The following PDE10A variants were observed in gnomAD, a reference collection of about 807,000 sequenced individuals.
PDE10A encodes phosphodiesterase 10A.
In PDE10A, 39 loss-of-function variants were observed where a neutral mutation model predicts 97.7. The ratio of observed to expected loss-of-function variants is 0.40; its 90% CI spans 0.31 to 0.52. The LOEUF is 0.52. Among genes scored for constraint, PDE10A ranks in the 20% least tolerant of loss-of-function variants. The pLI is 0.56. For missense variants in PDE10A, 731 were observed against 1,047.8 expected, an observed-to-expected ratio of 0.70 and a Z score of 4.17; for synonymous variants, 371 against 376.8, an observed-to-expected ratio of 0.98 and a Z score of 0.18.
At chr6:165,734,084 G>T (rs577629679) in intron 1 of PDE10A, among the ~76,000 whole-genome samples, 1 of 152,308 alleles carries the variant, frequency 6.6e-6, no homozygotes, top group Admixed American at 6.5e-5. Flanking sequence ...CAGGAAAAAT[G>T]AACGTAGAAG....
At chr6:165,647,541 T>C (rs552370282) in intron 1 of PDE10A, among the ~76,000 whole-genome samples, 1 of 152,112 alleles carries the variant, frequency 6.6e-6, no homozygotes, top group African/African-American at 2.4e-5. Context: ...TTTTTTTTTT[T>C]AGTTCTTTTT....
Position 165,682,009 on chromosome 6 carries a change from G to A in PDE10A, c.-614-138441C>T, listed in dbSNP as rs73788716. ...GTTGACTATATTTCATATAGCTATC[G>A]TGAACGCCCTCTAAGTCGTCCTTGT... is the stretch of plus-strand genomic sequence containing the variant. On this transcript the variant is annotated intron_variant, in intron 1 of 19. Coordinates refer to the PDE10A transcript ENST00000366882. Among the ~76,000 whole-genome samples the A allele has an allele frequency of 5.3e-3, 813 of 152,314 alleles. 7 individuals carry two copies. Among genetic ancestry groups the A allele is most frequent in the African/African-American group, 0.018 (758 of 41,574 alleles).
chr6:165,734,967 T>C (rs773766257), intron 1 of PDE10A, among the ~76,000 whole-genome samples: 9 of 151,410 alleles, frequency 5.9e-5, no homozygotes, highest in Non-Finnish European at 1.2e-4. Context: ...GATAGATAGA[T>C]AGATAGATAG....
intron 3 of PDE10A, among the ~76,000 whole-genome samples, chr6:165,465,248 T>A (rs1778567985): frequency 6.6e-6 from 1 of 152,160 alleles, no homozygotes; most frequent in Admixed American, 6.5e-5. Flanking sequence ...ATGAAGGAAA[T>A]CTGCGAGCTA....
chr6:165,698,925 TAGA>T, intron 1 of PDE10A, among the ~76,000 whole-genome samples: 1 of 152,150 alleles, frequency 6.6e-6, no homozygotes, highest in East Asian at 1.9e-4. Context: ...AAAGGAGAAG[TAGA>T]AGGATAAAAG....
chr6:165,614,605 C>G (rs1030673470), intron 1 of PDE10A, among the ~76,000 whole-genome samples: 4 of 152,306 alleles, frequency 2.6e-5, no homozygotes, highest in African/African-American at 7.2e-5. Context: ...TTCCCCAACA[C>G]AGCAAGCCTG....
intron 1 of PDE10A, among the ~76,000 whole-genome samples, chr6:165,764,686 G>T (rs550467871): frequency 3.3e-5 from 5 of 152,168 alleles, no homozygotes; most frequent in African/African-American, 1.2e-4. Flanking sequence ...TAGTCCCACC[G>T]GCTCAGGAGT....
At chr6:165,844,429 G>A (rs1312820696) in intron 1 of PDE10A, among the ~76,000 whole-genome samples, 1 of 152,158 alleles carries the variant, frequency 6.6e-6, no homozygotes, top group Non-Finnish European at 1.5e-5. Flanking sequence ...TATGCAAATT[G>A]ATAATTGGTG....
chr6:165,647,598 T>C (rs1220966670), intron 1 of PDE10A, among the ~76,000 whole-genome samples: 1 of 152,206 alleles, frequency 6.6e-6, no homozygotes, highest in Non-Finnish European at 1.5e-5. Flanking sequence ...CTTTAATTTC[T>C]TGCCAAGAAA....
In PDE10A at chr6:165,482,270, C is replaced by G. The variant is rs746500284; in HGVS notation, c.1023+45G>C. ...TACTGAGAGATAAACAAAACAGATT[C>G]ATTTCCTATACTGCAGTAGTAGAAA... is the stretch of plus-strand genomic sequence containing the variant. On this transcript the variant is annotated intron_variant, in intron 3 of 21. Coordinates refer to ENST00000539869, the MANE Select transcript of PDE10A (RefSeq NM_001385079.1). The G allele has an allele frequency of 4.6e-6, 6 of 1,297,816 alleles. No individual in the cohort carries two copies. The East Asian group carries it at 1.4e-4, about 30-fold the overall frequency. The allele number at this position is 1,297,816 out of a possible 1,614,324, so 80.4% of individuals were successfully genotyped here. A position where few individuals can be genotyped will look rare whatever the true frequency, so the allele number is the denominator to read the frequency against.
chr6:165,748,967 G>A (rs1054680099), intron 1 of PDE10A, among the ~76,000 whole-genome samples: 8 of 152,058 alleles, frequency 5.3e-5, no homozygotes, highest in Non-Finnish European at 1.0e-4. Flanking sequence ...AAGTTAACCC[G>A]TTTCAGGTTC....
chr6:165,774,831 C>CTTTTTTTTTTTTTTTTTTTTT (rs5881660), intron 1 of PDE10A: 4 of 107,884 alleles, frequency 3.7e-5, no homozygotes, highest in East Asian at 2.5e-4. Flanking sequence ...ACTTTTTTTT[C>CTTTTTTTTTTTTTTTTTTTTT]TTTTTTTTTT....
At chr6:165,425,795 GTGTGTA>G (rs903379510) in intron 10 of PDE10A, among the ~76,000 whole-genome samples, 1 of 148,652 alleles carries the variant, frequency 6.7e-6, no homozygotes, top group Non-Finnish European at 1.5e-5. Flanking sequence ...GTGTGTGTGT[GTGTGTA>G]TGTATGTAAT....
At chr6:165,398,418 G>A (rs1046040010) in intron 13 of PDE10A, among the ~76,000 whole-genome samples, 3 of 151,624 alleles carry the variant, frequency 2.0e-5, no homozygotes, top group African/African-American at 7.3e-5. Flanking sequence ...GAGGCAAGAG[G>A]TGGAGGTTTC....
chr6:165,816,218 G>C (rs112814362), intron 1 of PDE10A, among the ~76,000 whole-genome samples: 25,667 of 152,064 alleles, frequency 0.17, 2,261 homozygotes, highest in South Asian at 0.21. Flanking sequence ...CAAAGTGCTG[G>C]GATTACAGGC....
chr6:165,916,420 G>C (rs775845290), intron 1 of PDE10A, among the ~76,000 whole-genome samples: 3 of 152,142 alleles, frequency 2.0e-5, no homozygotes, highest in Non-Finnish European at 4.4e-5. Flanking sequence ...AGGAAGATTT[G>C]CCCATTTCAG....
At chr6:165,963,039 C>T (rs554055789) in intron 1 of PDE10A, among the ~76,000 whole-genome samples, 1 of 152,280 alleles carries the variant, frequency 6.6e-6, no homozygotes, top group South Asian at 2.1e-4. Flanking sequence ...TCAGTCTATT[C>T]GGGATGGAAA....
intron 1 of PDE10A, among the ~76,000 whole-genome samples, chr6:165,716,060 G>A (rs1792018958): frequency 6.6e-6 from 1 of 152,186 alleles, no homozygotes; most frequent in Non-Finnish European, 1.5e-5. Context: ...GCTGTTCTGA[G>A]AGAAAGACCG....
chr6:165,760,987 C>T (rs1426586132), intron 1 of PDE10A, among the ~76,000 whole-genome samples: 1 of 152,194 alleles, frequency 6.6e-6, no homozygotes, highest in African/African-American at 2.4e-5. Context: ...CCTCTAGAAC[C>T]TCTGACCAGC....
Sources: gnomAD v4.1 joint callset for allele counts (sites outside exome capture counted in the v4.1 genomes callset) on GRCh38, gnomAD v4.1.1 for gene constraint, MANE v1.5 for transcripts, NCBI Gene and HGNC (gene_info 2026-07-23, HGNC 2026-07-21) for gene names.